ELFN2: variants seen among roughly 807,000 people sequenced by gnomAD.
ELFN2 encodes extracellular leucine rich repeat and fibronectin type III domain containing 2.
Under a neutral mutation model 45.5 loss-of-function variants are expected in ELFN2, and 17 were observed. The observed-to-expected ratio is 0.37, with a 90% CI of 0.26 to 0.56. The LOEUF (loss-of-function observed/expected upper bound fraction) is 0.56, where lower values mean the gene tolerates loss of function less well. ELFN2 is among the 20% of genes least tolerant of loss of function. ELFN2 has a pLI of 0.77. For missense variants in ELFN2, 922 were observed against 1,183.2 expected (o/e 0.78, Z 3.24); for synonymous variants, 550 against 551.5 (o/e 1.00, Z 0.04).
chr22:37,387,681 G>A (rs962064188), intron 2 of ELFN2, among the ~76,000 whole-genome samples: 6 of 151,998 alleles, frequency 3.9e-5, no homozygotes, highest in Admixed American at 2.0e-4. Context: ...GCTTTCCCGC[G>A]ACCTCCCAGG....
At chr22:37,404,898 C>T (rs1329621631) in intron 2 of ELFN2, among the ~76,000 whole-genome samples, 1 of 152,162 alleles carries the variant, frequency 6.6e-6, no homozygotes, top group African/African-American at 2.4e-5. Flanking sequence ...AAAGCAATAC[C>T]TACCACATAG....
intron 1 of ELFN2, among the ~76,000 whole-genome samples, chr22:37,351,611 A>G (rs1005271010): frequency 1.4e-4 from 20 of 145,358 alleles, no homozygotes; most frequent in African/African-American, 5.0e-4. Context: ...TGACCATCCC[A>G]AAGTTCAAGG....
intron 1 of ELFN2, among the ~76,000 whole-genome samples, chr22:37,350,968 C>T (rs1393024289): frequency 6.6e-6 from 1 of 150,584 alleles, no homozygotes; most frequent in African/African-American, 2.4e-5. Flanking sequence ...AATCCTGCCC[C>T]TGCCTCAGTG....
chr22:37,378,122 G>C (rs565615960), intron 2 of ELFN2, among the ~76,000 whole-genome samples: 52 of 152,370 alleles, frequency 3.4e-4, no homozygotes, highest in African/African-American at 1.2e-3. Flanking sequence ...TGATGCAGGG[G>C]TGTGCTGACG....
intron 1 of ELFN2, among the ~76,000 whole-genome samples, chr22:37,344,771 C>T (rs575886943): frequency 6.6e-6 from 1 of 152,202 alleles, no homozygotes; most frequent in Non-Finnish European, 1.5e-5. Context: ...CCTGTCCTGG[C>T]ACCACCATGC....
chr22:37,414,576 A>C (rs200856909), intron 2 of ELFN2, among the ~76,000 whole-genome samples: 1 of 152,120 alleles, frequency 6.6e-6, no homozygotes, highest in East Asian at 1.9e-4. Flanking sequence ...CTTGAAGTGC[A>C]TCCTAGGTCT....
chr22:37,414,312 G>A (rs1255239424), intron 2 of ELFN2, among the ~76,000 whole-genome samples: 3 of 152,118 alleles, frequency 2.0e-5, no homozygotes, highest in African/African-American at 4.8e-5. Context: ...TAGGGTGCTC[G>A]GGAGGACTTC....
At chr22:37,404,117 CAGA>C (rs1421769526) in intron 2 of ELFN2, among the ~76,000 whole-genome samples, 1 of 152,182 alleles carries the variant, frequency 6.6e-6, no homozygotes, top group Non-Finnish European at 1.5e-5. Context: ...AATGGAACAT[CAGA>C]AGGAGAGGGA....
chr22:37,377,027 T>C (rs1931601789), intron 2 of ELFN2, among the ~76,000 whole-genome samples: 1 of 152,168 alleles, frequency 6.6e-6, no homozygotes, highest in Non-Finnish European at 1.5e-5. Flanking sequence ...ATTAGCTAGG[T>C]AAACCACAAC....
At chr22:37,386,600 G>C (rs1299190730) in intron 2 of ELFN2, among the ~76,000 whole-genome samples, 1 of 152,194 alleles carries the variant, frequency 6.6e-6, no homozygotes, top group Non-Finnish European at 1.5e-5. Context: ...AGCCCACACT[G>C]ACGGCCGCCT....
chr22:37,349,960 T>C (rs5756640), intron 1 of ELFN2, among the ~76,000 whole-genome samples: 79,921 of 150,336 alleles, frequency 0.53, 23,072 homozygotes, highest in South Asian at 0.65. Context: ...TGAGGGATGC[T>C]CCCCATGAGA....
chr22:37,424,592 A>C lies in ELFN2; in HGVS notation c.-614+2706T>G, dbSNP rs146442731. Among the ~76,000 whole-genome samples the C allele has an allele frequency of 4.0e-3, 601 of 151,884 alleles. 7 individuals carry two copies. Among genetic ancestry groups the C allele is most frequent in the African/African-American group, 0.014 (576 of 41,372 alleles). ...CCTGGCACCCCACCACCAATTCCTC[A>C]TAGCTCCATATCTCTCCAGGAAAGG... On this transcript the variant is annotated intron_variant, in intron 1 of 2. Transcript: ENST00000402918.
rs1402498043 is a variant in ELFN2 at position 37,417,258 on chromosome 22, AT to A, written c.-463+510del. Among the ~76,000 whole-genome samples, 2 of 152,134 alleles carry A rather than the reference AT, an allele frequency of 1.3e-5. No individual in the cohort carries two copies. The highest frequency in any genetic ancestry group is 6.5e-5 in the Admixed American group (1 of 15,280). On this transcript the variant is annotated intron_variant, in intron 2 of 2. Transcript: ENST00000402918. This position sits in a 1 kb window ranked among gnomAD's most constrained non-coding sequence, Gnocchi z 4.5. ...CCCTGTGCCTCCAAAATTCAATGAC[AT>A]AGGATCAGGCCCCATATCAATTCTG...
In ELFN2 at chr22:37,398,291, C is replaced by G. The variant is rs1316733838; in HGVS notation, c.-463+19478G>C. On this transcript the variant is annotated intron_variant, in intron 2 of 2. Coordinates refer to ENST00000402918, the MANE Select transcript of ELFN2 (RefSeq NM_052906.5). The stretch of plus-strand genomic sequence containing the variant: ...AACCTGCCCTTTATTCCTCAAAGGC[C>G]CCTGAATATACTGGCCTCCAGCCTG... Among the ~76,000 whole-genome samples, 3 of 152,206 alleles carry G rather than the reference C, an allele frequency of 2.0e-5. No homozygotes were observed. The East Asian group carries it at 5.8e-4, about 29-fold the overall frequency.
intron 1 of ELFN2, among the ~76,000 whole-genome samples, chr22:37,351,239 G>A (rs1930814041): frequency 6.8e-6 from 1 of 147,300 alleles, no homozygotes; most frequent in Non-Finnish European, 1.5e-5. Context: ...CCTCCTCACT[G>A]TCTTCTCCTT....
Position 37,369,588 on chromosome 22 carries a change from C to T in ELFN2, c.*3484G>A, listed in dbSNP as rs568238799. On this transcript the variant is annotated 3_prime_UTR_variant, in exon 3 of 3. Coordinates refer to ENST00000402918, the MANE Select transcript of ELFN2 (RefSeq NM_052906.5). Reference sequence around the variant, plus strand: ...GCTTTCTTGCCTTCATGCCAGACCTCTGTGTTTTGCTACTGGAAGGCCATA... The same window carrying T: ...GCTTTCTTGCCTTCATGCCAGACCTTTGTGTTTTGCTACTGGAAGGCCATA... 12 of 152,402 alleles carry T rather than the reference C, an allele frequency of 7.9e-5. No homozygotes were observed. The highest frequency in any genetic ancestry group is 2.4e-4 in the African/African-American group (10 of 41,592). The allele number at this position is 152,402 out of a possible 1,614,324, so 9.4% of individuals were successfully genotyped here.
At chr22:37,356,315 C>A (rs988630987) in intron 1 of ELFN2, among the ~76,000 whole-genome samples, 5 of 152,184 alleles carry the variant, frequency 3.3e-5, no homozygotes, top group African/African-American at 1.2e-4. Context: ...TTGAGGTGGG[C>A]TGAACACCCC....
rs140400326 is a variant in ELFN2, at chr22:37,425,055, T to G, written c.-614+2243A>C. On this transcript the variant is annotated intron_variant, in intron 1 of 2. Transcript: ENST00000402918. ...CAGAGAGGCGACGCGAATGCTTAAA[T>G]CACAAAACACAGAAAGCAGCAAAAT... is the stretch of plus-strand genomic sequence containing the variant. Among the ~76,000 whole-genome samples, 230 of 152,104 alleles carry G rather than the reference T, an allele frequency of 1.5e-3. 1 individual carries two copies. Among genetic ancestry groups the G allele is most frequent in the African/African-American group, 4.9e-3 (205 of 41,480 alleles).
In ELFN2 at chr22:37,401,713, G is replaced by A. The variant is rs73412264; in HGVS notation, c.-463+16056C>T. Among the ~76,000 whole-genome samples, 919 of 152,292 alleles carry A rather than the reference G, an allele frequency of 6.0e-3. 8 individuals carry two copies. Among genetic ancestry groups the A allele is most frequent in the African/African-American group, 0.021 (880 of 41,530 alleles). ...CGTGAGGTTTCCCAGTAACCAAGCC[G>A]GCCCGGCAGCCCTCCCTTTAATGCA... On this transcript the variant is annotated intron_variant, in intron 2 of 2. Coordinates refer to ENST00000402918, the MANE Select transcript of ELFN2 (RefSeq NM_052906.5).
Sources: gnomAD v4.1 joint callset for allele counts (sites outside exome capture counted in the v4.1 genomes callset) on GRCh38, gnomAD v4.1.1 for gene constraint, Gnocchi (gnomAD v3.1) non-coding constraint, MANE v1.5 for transcripts, NCBI Gene and HGNC (gene_info 2026-07-23, HGNC 2026-07-21) for gene names.